The following CNIH3 variants were observed in gnomAD, a reference collection of about 807,000 sequenced individuals.
CNIH3 encodes the protein cornichon family AMPA receptor auxiliary protein 3, also known as protein cornichon homolog 3.
Under a neutral mutation model 24.1 loss-of-function variants are expected in CNIH3, and 14 were observed. The observed-to-expected ratio is 0.58, with a 90% CI of 0.38 to 0.91. The LOEUF (loss-of-function observed/expected upper bound fraction) is 0.91, where lower values mean the gene tolerates loss of function less well. CNIH3 is among the 40% of genes least tolerant of loss of function. CNIH3 has a pLI of 0.00. For synonymous variants in CNIH3, 68 were observed against 73.8 expected (o/e 0.92, Z 0.40); for missense variants, 178 against 196.8 (o/e 0.90, Z 0.57).
In CNIH3 at chr1:224,506,287, G is replaced by GCGCA. The variant is rs372343004; in HGVS notation, n.204-9453_204-9452insGCAC. On this transcript the variant is annotated intron_variant and non_coding_transcript_variant, in intron 1 of 5. Coordinates refer to the CNIH3 transcript ENST00000471578. ...CACGCACACGCGCGCGCGCGCGCGC[G>GCGCA]CACACACACACACACACGGTCACTC... is the stretch of plus-strand genomic sequence containing the variant. Among the ~76,000 whole-genome samples the GCGCA allele has an allele frequency of 7.1e-3, 1,047 of 147,398 alleles. 14 individuals are homozygous for GCGCA. Among genetic ancestry groups the GCGCA allele is most frequent in the African/African-American group, 0.024 (952 of 39,752 alleles).
rs370050697 is a variant in CNIH3 at position 224,617,883 on chromosome 1, A to G, written c.81+628A>G. Among the ~76,000 whole-genome samples the G allele has an allele frequency of 3.9e-5, 6 of 152,270 alleles. No individual in the cohort carries two copies. The East Asian group carries it at 9.7e-4, about 25-fold the overall frequency. Reference sequence around the variant, plus strand: ...AAGGCCATGGAGGAAAGTCACGAAGAGAGACCGTGGAGAGCGACGACGGTG... The same window carrying G: ...AAGGCCATGGAGGAAAGTCACGAAGGGAGACCGTGGAGAGCGACGACGGTG... On this transcript the variant is annotated intron_variant, in intron 1 of 5. Coordinates refer to ENST00000272133, the MANE Select transcript of CNIH3 (RefSeq NM_152495.2).
At chr1:224,676,829 T>C (rs1004183224) in intron 1 of CNIH3, among the ~76,000 whole-genome samples, 1 of 152,184 alleles carries the variant, frequency 6.6e-6, no homozygotes, top group African/African-American at 2.4e-5. Flanking sequence ...CTCAGACAGG[T>C]CAGGAGGCTG....
intron 3 of CNIH3, among the ~76,000 whole-genome samples, chr1:224,602,386 T>C (rs761239369): frequency 1.3e-4 from 20 of 152,266 alleles, no homozygotes; most frequent in Non-Finnish European, 2.1e-4. Context: ...GTTTTATCAA[T>C]ATTTTGTCCA....
At chr1:224,541,364 A>G (rs187264510), downstream of CNIH3, among the ~76,000 whole-genome samples, 2 of 152,176 alleles carry the variant, frequency 1.3e-5, no homozygotes, top group East Asian at 1.9e-4. Context: ...CACTGGCACT[A>G]CTTTAGGCTT....
chr1:224,705,054 G>A (rs1481439502), intron 3 of CNIH3, among the ~76,000 whole-genome samples: 2 of 151,432 alleles, frequency 1.3e-5, no homozygotes, highest in African/African-American at 4.9e-5. Flanking sequence ...GGAGACGAAG[G>A]TTGCAGTGAG....
chr1:224,537,486 C>T (rs1188502553), downstream of CNIH3: 1 of 152,268 alleles, frequency 6.6e-6, no homozygotes, highest in Non-Finnish European at 1.5e-5. Context: ...AGCCCCCGCC[C>T]CCGTGCTTTG....
chr1:224,533,527 G>A (rs552553724), intron 2 of CNIH3, among the ~76,000 whole-genome samples: 6 of 152,092 alleles, frequency 3.9e-5, no homozygotes, highest in Non-Finnish European at 7.4e-5. Flanking sequence ...TTATCTCATC[G>A]TTCTGGGGGC....
intron 1 of CNIH3, among the ~76,000 whole-genome samples, chr1:224,479,411 C>T (rs866588354): frequency 2.6e-5 from 4 of 151,986 alleles, no homozygotes; most frequent in South Asian, 4.1e-4. Flanking sequence ...GCCTTGGCCT[C>T]CCAAAGTGCT....
chr1:224,552,769 C>A (rs1679975080), intron 3 of CNIH3, among the ~76,000 whole-genome samples: 1 of 151,340 alleles, frequency 6.6e-6, no homozygotes, highest in African/African-American at 2.4e-5. Context: ...GGTGTACACT[C>A]CCTGTGATAT....
chr1:224,614,265 C>T (rs978609456), upstream of CNIH3, among the ~76,000 whole-genome samples: 3 of 152,198 alleles, frequency 2.0e-5, no homozygotes, highest in Admixed American at 6.5e-5. Flanking sequence ...AGTATGTAGC[C>T]GGTCCTGACC....
chr1:224,660,528 A>AG (rs60267425), intron 1 of CNIH3, among the ~76,000 whole-genome samples: 26,944 of 152,078 alleles, frequency 0.18, 2,548 homozygotes, highest in African/African-American at 0.23. Context: ...TTTTCAGGAA[A>AG]AATGCACTGA....
chr1:224,555,308 G>A (rs2794810), intron 3 of CNIH3, among the ~76,000 whole-genome samples: 3,284 of 152,270 alleles, frequency 0.022, 124 homozygotes, highest in African/African-American at 0.074. Context: ...TGAAGATTTA[G>A]TGAAGAATCA....
At chr1:224,506,064 A>G (rs965120882) in intron 1 of CNIH3, among the ~76,000 whole-genome samples, 15 of 152,148 alleles carry the variant, frequency 9.9e-5, no homozygotes, top group African/African-American at 3.6e-4. Context: ...TTTTTATTTT[A>G]AGGAATCTTG....
chr1:224,575,152 CA>C lies in CNIH3; in HGVS notation n.517-8011del, dbSNP rs1323780328. On this transcript the variant is annotated intron_variant and non_coding_transcript_variant, in intron 4 of 5. Coordinates refer to the CNIH3 transcript ENST00000471578. The stretch of plus-strand genomic sequence containing the variant: ...GAAGATCCCAGGATCAAGGCGATCA[CA>C]GCCAAACACAATAAAACTACAGCCC... 3.0e-6 allele frequency: 3 copies of C among 996,110 alleles called. No individual in the cohort carries two copies. In the African/African-American group the frequency reaches 4.7e-5, roughly 16 times the overall value. 61.7% of individuals were successfully genotyped at this position (996,110 alleles called of 1,614,324 possible). A position where few individuals can be genotyped will look rare whatever the true frequency, so the allele number is the denominator to read the frequency against.
intron 1 of CNIH3, among the ~76,000 whole-genome samples, chr1:224,617,495 G>A (rs1253428227): frequency 6.6e-6 from 1 of 152,164 alleles, no homozygotes; most frequent in South Asian, 2.1e-4. Context: ...GCCCGACTGG[G>A]CGTCCCGGGT....
chr1:224,548,601 T>G (rs1220396320), intron 3 of CNIH3, among the ~76,000 whole-genome samples: 2 of 151,964 alleles, frequency 1.3e-5, no homozygotes, highest in Non-Finnish European at 2.9e-5. Flanking sequence ...GTTCCTAATA[T>G]CATAGTGGGA....
intron 1 of CNIH3, among the ~76,000 whole-genome samples, chr1:224,676,189 G>A (rs1443858858): frequency 6.6e-6 from 1 of 152,238 alleles, no homozygotes; most frequent in African/African-American, 2.4e-5. Flanking sequence ...ATAGGCAACA[G>A]TGTGGCTTAA....
intron 3 of CNIH3, among the ~76,000 whole-genome samples, chr1:224,686,341 C>A (rs1000157795): frequency 2.0e-5 from 3 of 152,026 alleles, no homozygotes; most frequent in African/African-American, 7.3e-5. Flanking sequence ...TGAATTCATC[C>A]TTTTTTATGG....
intron 2 of CNIH3, among the ~76,000 whole-genome samples, chr1:224,526,601 G>T (rs934949335): frequency 1.1e-4 from 17 of 152,022 alleles, no homozygotes; most frequent in African/African-American, 4.1e-4. Context: ...AGGGCTTTAG[G>T]TCTCAGTATT....
Sources: allele counts gnomAD v4.1 joint callset (sites outside exome capture counted in the v4.1 genomes callset), GRCh38; gene constraint gnomAD v4.1.1; transcripts MANE v1.5; gene names NCBI Gene and HGNC (gene_info 2026-07-23, HGNC 2026-07-21).